The following ELAVL3 variants were observed in gnomAD, a reference collection of about 807,000 sequenced individuals.
The protein encoded by ELAVL3 is ELAV-like protein 3.
ELAVL3 carries 8 observed loss-of-function variants against 34.2 expected under a neutral mutation model. The observed-to-expected ratio is 0.23, with a 90% CI of 0.14 to 0.42. The LOEUF (loss-of-function observed/expected upper bound fraction) is 0.42, where lower values mean the gene tolerates loss of function less well. Ranked by LOEUF, ELAVL3 falls within the 10% of genes least tolerant of loss-of-function variation. The pLI is 1.00. For missense variants in ELAVL3, 273 were observed against 518.8 expected, an observed-to-expected ratio of 0.53 and a Z score of 4.60; for synonymous variants, 209 against 222.1, an observed-to-expected ratio of 0.94 and a Z score of 0.53.
Position 11,454,301 on chromosome 19 carries a change from G to C in ELAVL3, c.*225C>G. The C allele has an allele frequency of 1.8e-6, 1 of 557,252 alleles. No individual in the cohort carries two copies. Among genetic ancestry groups the C allele is most frequent in the Non-Finnish European group, 3.2e-6 (1 of 313,744 alleles). 34.5% of individuals were successfully genotyped at this position (557,252 alleles called of 1,614,324 possible). On this transcript the variant is annotated 3_prime_UTR_variant, in exon 7 of 7. Transcript: ENST00000359227. This position sits in a 1 kb window ranked among gnomAD's most constrained non-coding sequence, Gnocchi z 9.2. ...AGTGAACAGCCCAGCCTGGGGTGGG[G>C]GCAGGAGGATGGGGCGGGGGATCCC...
At chr19:11,462,654 ATT>A (rs1970913138) in intron 3 of ELAVL3, among the ~76,000 whole-genome samples, 1 of 149,200 alleles carries the variant, frequency 6.7e-6, no homozygotes, top group Non-Finnish European at 1.5e-5. Context: ...AAATAAATTA[ATT>A]AAGAAATAAA....
Position 11,480,940 on chromosome 19 carries a change from T to G in ELAVL3, c.-332A>C. ...GACAGAGATCGCGGCGCTCTGCCTT[T>G]CGCCGCCGCCCCTCGGTCGGTCCTG... On this transcript the variant is annotated 5_prime_UTR_variant, in exon 1 of 7. Coordinates refer to ENST00000359227, the MANE Select transcript of ELAVL3 (RefSeq NM_001420.4). This position sits in a 1 kb window ranked among gnomAD's most constrained non-coding sequence, Gnocchi z 6.8. 1 of 269,912 alleles carries G rather than the reference T, an allele frequency of 3.7e-6. No individual in the cohort carries two copies. Among genetic ancestry groups the G allele is most frequent in the Non-Finnish European group, 7.0e-6 (1 of 143,138 alleles). The allele number at this position is 269,912 out of a possible 1,614,324, so 16.7% of individuals were successfully genotyped here. A position where few individuals can be genotyped will look rare whatever the true frequency, so the allele number is the denominator to read the frequency against.
chr19:11,457,114 T>A lies in ELAVL3; in HGVS notation c.748A>T (p.Lys250Ter), dbSNP rs1200325639. The change falls in exon 6 of 7, where the codon AAG (lysine) becomes TAG (stop). Residue 250 changes from lysine (K) to a stop codon, truncating the protein, a stop_gained. Transcript: ENST00000359227. LOFTEE classifies it high-confidence loss of function. ...GTGGGGCGGGGTCACTGTTACCTCT[T>A]GACGCCGTAGGCCATGTTGAGCAAA... ...DNLLNMAYGV[K>*]SPLSLIARFS... The A allele has an allele frequency of 6.5e-7, 1 of 1,536,146 alleles. No individual in the cohort carries two copies. Among genetic ancestry groups the A allele is most frequent in the Non-Finnish European group, 8.7e-7 (1 of 1,149,978 alleles).
rs547037629 is a variant in ELAVL3 at position 11,454,412 on chromosome 19, G to T, written c.*114C>A. On this transcript the variant is annotated 3_prime_UTR_variant, in exon 7 of 7. Transcript: ENST00000359227. The surrounding 1 kb of genome is among the most constrained non-coding windows in gnomAD (Gnocchi z 9.2). The stretch of plus-strand genomic sequence containing the variant: ...CGCAGGGACGTGGGGCCCTCGCGTC[G>T]TCCGTGGGGCTGCCTGTGCTGTCTC... 9 of 1,083,894 alleles carry T rather than the reference G, an allele frequency of 8.3e-6. No individual in the cohort carries two copies. The highest frequency in any genetic ancestry group is 1.3e-6 in the Non-Finnish European group (1 of 776,820). The allele number at this position is 1,083,894 out of a possible 1,614,324, so 67.1% of individuals were successfully genotyped here.
intron 1 of ELAVL3, among the ~76,000 whole-genome samples, chr19:11,477,395 C>T (rs1406145244): frequency 2.6e-5 from 4 of 152,152 alleles, no homozygotes; most frequent in African/African-American, 4.8e-5. Flanking sequence ...TCTGCCTCAA[C>T]CTCCCAAGTA....
chr19:11,460,104 C>T (rs775916048), intron 3 of ELAVL3, among the ~76,000 whole-genome samples: 6 of 152,140 alleles, frequency 3.9e-5, no homozygotes, highest in African/African-American at 1.4e-4. Flanking sequence ...CGCCTCCAAT[C>T]TGCCCCAACT....
At position 11,466,901 on chromosome 19, in the gene ELAVL3, G is replaced by A. The variant is rs1047547905; in HGVS notation, c.10-74C>T. On this transcript the variant is annotated intron_variant, in intron 1 of 6. Coordinates refer to ENST00000359227, the MANE Select transcript of ELAVL3 (RefSeq NM_001420.4). The surrounding 1 kb of genome is among the most constrained non-coding windows in gnomAD (Gnocchi z 5.0). ...GGCCTGCGGCAATGAGTGGCTTGGTGGTGATGAATTAGCCATGTCTTATAG... is the reference window on the plus strand; with the variant it reads ...GGCCTGCGGCAATGAGTGGCTTGGTAGTGATGAATTAGCCATGTCTTATAG... 9.9e-6 allele frequency: 13 copies of A among 1,314,440 alleles called. No individual in the cohort carries two copies. The East Asian group carries it at 3.3e-4, about 33-fold the overall frequency. The allele number at this position is 1,314,440 out of a possible 1,614,324, so 81.4% of individuals were successfully genotyped here. A position where few individuals can be genotyped will look rare whatever the true frequency, so the allele number is the denominator to read the frequency against.
Position 11,480,298 on chromosome 19 carries a change from C to A in ELAVL3, c.9+302G>T. 1 of 362,400 alleles carries A rather than the reference C, an allele frequency of 2.8e-6. No homozygotes were observed. The allele number at this position is 362,400 out of a possible 1,614,324, so 22.4% of individuals were successfully genotyped here. On this transcript the variant is annotated intron_variant, in intron 1 of 6. Transcript: ENST00000359227. This position sits in a 1 kb window ranked among gnomAD's most constrained non-coding sequence, Gnocchi z 6.8. The stretch of plus-strand genomic sequence containing the variant: ...TGGATGGAGGAAGCATCCTTAGCCG[C>A]CGCGGCCCCTCCCCCATCAGGCCTG...
At position 11,466,107 on chromosome 19, in the gene ELAVL3, G is replaced by A. The variant is rs372051911; in HGVS notation, c.333+65C>T. 294 of 1,460,840 alleles carry A rather than the reference G, an allele frequency of 2.0e-4. 2 individuals carry two copies. In the South Asian group the frequency reaches 3.2e-3, roughly 16 times the overall value. The allele number at this position is 1,460,840 out of a possible 1,614,324, so 90.5% of individuals were successfully genotyped here. ...GATGCATGGGGGCGGGTAGGTGGCAGTAGGGGGTTGGGGACAGTCAGTTGG... is the reference window on the plus strand; with the variant it reads ...GATGCATGGGGGCGGGTAGGTGGCAATAGGGGGTTGGGGACAGTCAGTTGG... On this transcript the variant is annotated intron_variant, in intron 3 of 6. Coordinates refer to ENST00000359227, the MANE Select transcript of ELAVL3 (RefSeq NM_001420.4). This position sits in a 1 kb window ranked among gnomAD's most constrained non-coding sequence, Gnocchi z 5.0.
chr19:11,472,651 T>A (rs2144908411), intron 1 of ELAVL3, among the ~76,000 whole-genome samples: 1 of 145,412 alleles, frequency 6.9e-6, no homozygotes, highest in East Asian at 2.1e-4. Context: ...CAGTGAGCCA[T>A]GATGGCACCA....
intron 3 of ELAVL3, among the ~76,000 whole-genome samples, chr19:11,464,494 T>C (rs1254995651): frequency 6.6e-6 from 1 of 151,462 alleles, no homozygotes; most frequent in African/African-American, 2.4e-5. Flanking sequence ...CCCACAACCA[T>C]TGTGTCACAG....
chr19:11,470,480 A>G (rs1166920854), intron 1 of ELAVL3, among the ~76,000 whole-genome samples: 1 of 151,670 alleles, frequency 6.6e-6, no homozygotes, highest in Non-Finnish European at 1.5e-5. Flanking sequence ...AGCCCGACCA[A>G]CATGGAGAAA....
At chr19:11,468,745 G>T (rs1226753017) in intron 1 of ELAVL3, among the ~76,000 whole-genome samples, 1 of 151,998 alleles carries the variant, frequency 6.6e-6, no homozygotes, top group Non-Finnish European at 1.5e-5. Flanking sequence ...TGCTGTTAAG[G>T]GAGATGCTTT....
intron 1 of ELAVL3, among the ~76,000 whole-genome samples, chr19:11,476,925 T>TA (rs1033774889): frequency 1.6e-4 from 23 of 145,756 alleles, no homozygotes; most frequent in South Asian, 1.5e-3. Context: ...AAATAAAAAA[T>TA]AAAAAAAAAA....
At chr19:11,462,058 C>A (rs928668171) in intron 3 of ELAVL3, among the ~76,000 whole-genome samples, 2 of 151,420 alleles carry the variant, frequency 1.3e-5, no homozygotes, top group African/African-American at 4.9e-5. Flanking sequence ...GCCTGTAATC[C>A]CAGCTACTCG....
chr19:11,471,486 G>A (rs993783215), intron 1 of ELAVL3, among the ~76,000 whole-genome samples: 3 of 151,836 alleles, frequency 2.0e-5, no homozygotes, highest in East Asian at 1.9e-4. Context: ...GGTGGCACAC[G>A]CCTGTAATCC....
At chr19:11,479,804 T>C (rs1242814963) in intron 1 of ELAVL3, among the ~76,000 whole-genome samples, 1 of 151,240 alleles carries the variant, frequency 6.6e-6, no homozygotes, top group Non-Finnish European at 1.5e-5. Context: ...CGGGCCGCGC[T>C]CAAGGTCACC....
intron 1 of ELAVL3, among the ~76,000 whole-genome samples, chr19:11,469,908 A>T (rs1319332696): frequency 1.3e-5 from 2 of 152,172 alleles, no homozygotes; most frequent in African/African-American, 4.8e-5. Context: ...AAATTTAAAA[A>T]CTAGCTGAAT....
In ELAVL3 at chr19:11,458,367, C is replaced by T. The variant is rs1350846855; in HGVS notation, c.488-81G>A. The T allele has an allele frequency of 4.4e-6, 7 of 1,606,050 alleles. No individual in the cohort carries two copies. The African/African-American group carries it at 9.4e-5, about 21-fold the overall frequency. The stretch of plus-strand genomic sequence containing the variant: ...CACTTCTCCCTTCCCTGCTTCATGC[C>T]CTGGCATCTTGGTCGGTTTCCCCAC... On this transcript the variant is annotated intron_variant, in intron 4 of 6. Transcript: ENST00000359227. The surrounding 1 kb of genome is among the most constrained non-coding windows in gnomAD (Gnocchi z 7.3).
Sources: allele counts gnomAD v4.1 joint callset (sites outside exome capture counted in the v4.1 genomes callset), GRCh38; gene constraint gnomAD v4.1.1; non-coding constraint Gnocchi (gnomAD v3.1); transcripts MANE v1.5; gene names NCBI Gene and HGNC (gene_info 2026-07-23, HGNC 2026-07-21).